IPO11: variants seen among roughly 807,000 people sequenced by gnomAD.
IPO11 encodes importin-11.
In IPO11, 66 loss-of-function variants were observed where a neutral mutation model predicts 143.2. The ratio of observed to expected loss-of-function variants is 0.46; its 90% CI spans 0.38 to 0.57. The LOEUF (loss-of-function observed/expected upper bound fraction) is 0.57, where lower values mean the gene tolerates loss of function less well. Among genes scored for constraint, IPO11 ranks in the 20% least tolerant of loss-of-function variants. The pLI is 0.00. For synonymous variants in IPO11, 385 were observed against 377.8 expected, an observed-to-expected ratio of 1.02 and a Z score of -0.22; for missense variants, 1,026 against 1,141.0, an observed-to-expected ratio of 0.90 and a Z score of 1.45.
intron 29 of IPO11, among the ~76,000 whole-genome samples, chr5:62,619,781 A>T (rs1746279192): frequency 6.6e-6 from 1 of 151,608 alleles, no homozygotes; most frequent in East Asian, 2.0e-4. Context: ...TGAACCCAGG[A>T]GGGTGGAGTT....
chr5:62,606,221 C>G (rs1392436525), intron 29 of IPO11, among the ~76,000 whole-genome samples: 1 of 151,804 alleles, frequency 6.6e-6, no homozygotes, highest in Non-Finnish European at 1.5e-5. Context: ...TGGCTTATGC[C>G]TGTAATCCCA....
Position 62,526,181 on chromosome 5 carries a change from C to T in IPO11, c.1936C>T (p.Leu646Phe). ...CAGCAAGAACCTGTACCCTTTCCTGCTCCCAGTTATTCAACTGAGTACAGA... is the reference window on the plus strand; with the variant it reads ...CAGCAAGAACCTGTACCCTTTCCTGTTCCCAGTTATTCAACTGAGTACAGA... Reference protein sequence around the residue: ...ADSKNLYPFLLPVIQLSTDVS... With the variant: ...ADSKNLYPFLFPVIQLSTDVS... Residue 646 changes from leucine to phenylalanine, a missense_variant, in exon 21 of 30, where the codon CTC (leucine) becomes TTC (phenylalanine). By Grantham distance (22) the Leu-to-Phe change is conservative. Around this residue, in one of 5 missense-constraint regions of IPO11, gnomAD observed 237 missense variants for 288.0 expected, o/e 0.82. Transcript: ENST00000325324. 3.7e-6 allele frequency: 6 copies of T among 1,613,626 alleles called. No homozygotes were observed. The highest frequency in any genetic ancestry group is 5.1e-6 in the Non-Finnish European group (6 of 1,179,682).
chr5:62,455,053 G>C (rs1745080048), intron 5 of IPO11, among the ~76,000 whole-genome samples: 1 of 152,152 alleles, frequency 6.6e-6, no homozygotes, highest in Non-Finnish European at 1.5e-5. Context: ...ATGCGGTTGA[G>C]GTACAAGATG....
At chr5:62,537,314 A>G in intron 24 of IPO11, 25 bp downstream of exon 24, 2 of 1,342,868 alleles carry the variant, frequency 1.5e-6, no homozygotes, top group Non-Finnish European at 2.1e-6. Flanking sequence ...TTAAATGAAT[A>G]TATTTATGAA....
chr5:62,442,940 A>G, intron 2 of IPO11, 43 bp from the exon 3 acceptor site: 1 of 1,094,552 alleles, frequency 9.1e-7, no homozygotes, highest in East Asian at 2.6e-5. Context: ...TATACTTTTT[A>G]CTTATTCCAT....
intron 5 of IPO11, among the ~76,000 whole-genome samples, chr5:62,466,265 A>G (rs1745570934): frequency 6.6e-6 from 1 of 152,202 alleles, no homozygotes; most frequent in Non-Finnish European, 1.5e-5. Context: ...AGCCGTTTTA[A>G]TGGCACATTA....
intron 29 of IPO11, among the ~76,000 whole-genome samples, chr5:62,626,179 A>G (rs1746567923): frequency 6.6e-6 from 1 of 152,142 alleles, no homozygotes; most frequent in Admixed American, 6.5e-5. Flanking sequence ...ACAGGCGTGC[A>G]CCACCACGCC....
intron 26 of IPO11, among the ~76,000 whole-genome samples, chr5:62,559,734 T>C (rs1360712713): frequency 6.6e-6 from 1 of 151,726 alleles, no homozygotes; most frequent in Admixed American, 6.6e-5. Flanking sequence ...CTGGCCAATA[T>C]GGTGAAACCC....
intron 15 of IPO11, among the ~76,000 whole-genome samples, chr5:62,492,574 C>T (rs1746658100): frequency 6.6e-6 from 1 of 152,074 alleles, no homozygotes. Context: ...GATGGGGTCT[C>T]ACTTTGTCAC....
chr5:62,429,588 G>A (rs1277836924), intron 1 of IPO11, among the ~76,000 whole-genome samples: 4 of 15,576 alleles, frequency 2.6e-4, no homozygotes, highest in African/African-American at 2.1e-3. Context: ...TCTGATTTTC[G>A]TGTGTGTGTG....
At chr5:62,513,848 A>G (rs1741891193) in intron 19 of IPO11, among the ~76,000 whole-genome samples, 1 of 142,634 alleles carries the variant, frequency 7.0e-6, no homozygotes, top group African/African-American at 2.7e-5. Context: ...GGCGGTTGCC[A>G]GGAGGAGGGT....
At chr5:62,455,995 G>C (rs1250827807) in intron 5 of IPO11, among the ~76,000 whole-genome samples, 1 of 152,122 alleles carries the variant, frequency 6.6e-6, no homozygotes, top group African/African-American at 2.4e-5. Context: ...AAAGTGCTGG[G>C]ATTACAGGCG....
intron 27 of IPO11, among the ~76,000 whole-genome samples, chr5:62,575,166 C>G (rs1272982016): frequency 6.6e-6 from 1 of 152,176 alleles, no homozygotes; most frequent in Non-Finnish European, 1.5e-5. Flanking sequence ...ACACGGATAT[C>G]ATAGCTACTG....
At chr5:62,499,569 CTTTTT>C (rs35545041) in intron 16 of IPO11, among the ~76,000 whole-genome samples, 7 of 100,104 alleles carry the variant, frequency 7.0e-5, no homozygotes, top group African/African-American at 2.3e-4. Context: ...CTTACTCTAA[CTTTTT>C]TTTTTTTTTT....
chr5:62,596,931 T>G (rs1202135326), intron 28 of IPO11, among the ~76,000 whole-genome samples: 3 of 152,226 alleles, frequency 2.0e-5, no homozygotes, highest in Non-Finnish European at 4.4e-5. Context: ...TAATAATATT[T>G]CTGCTCCTTG....
At chr5:62,523,968 T>C (rs764466579) in intron 20 of IPO11, among the ~76,000 whole-genome samples, 22 of 152,164 alleles carry the variant, frequency 1.4e-4, no homozygotes, top group Non-Finnish European at 2.8e-4. Context: ...AAAGATTGTA[T>C]AGAGAAATCC....
At chr5:62,621,295 A>C (rs1327634012) in intron 29 of IPO11, among the ~76,000 whole-genome samples, 2 of 152,218 alleles carry the variant, frequency 1.3e-5, no homozygotes, top group Non-Finnish European at 2.9e-5. Flanking sequence ...AGGCTGGCAG[A>C]CACTTTGAAG....
At chr5:62,438,202 A>G (rs1018051251) in intron 2 of IPO11, among the ~76,000 whole-genome samples, 5 of 152,218 alleles carry the variant, frequency 3.3e-5, no homozygotes, top group African/African-American at 7.2e-5. Flanking sequence ...GTTGTCATAT[A>G]TATTTTAACT....
chr5:62,482,258 T>G (rs1234689644), intron 9 of IPO11, among the ~76,000 whole-genome samples: 1 of 152,202 alleles, frequency 6.6e-6, no homozygotes, highest in East Asian at 1.9e-4. Flanking sequence ...ATTGATTTTT[T>G]GAAGGGTTTT....
Sources: gnomAD v4.1 joint callset for allele counts (sites outside exome capture counted in the v4.1 genomes callset) on GRCh38, gnomAD v4.1.1 for gene constraint, gnomAD v4.1.1 regional missense constraint, MANE v1.5 for transcripts, NCBI Gene and HGNC (gene_info 2026-07-23, HGNC 2026-07-21) for gene names.